The following G3BP2 variants were observed in gnomAD, a reference collection of about 807,000 sequenced individuals.
G3BP2 encodes G3BP stress granule assembly factor 2.
In G3BP2, 11 loss-of-function variants were observed where a neutral mutation model predicts 56.7. The ratio of observed to expected loss-of-function variants is 0.19; its 90% confidence interval spans 0.12 to 0.32. The LOEUF (loss-of-function observed/expected upper bound fraction) is 0.32. G3BP2 is among the 10% of genes least tolerant of loss of function. The pLI, the probability that G3BP2 is intolerant of heterozygous loss-of-function variation, is 1.00. For missense variants in G3BP2, 340 were observed against 610.9 expected (o/e 0.56, Z 4.67); for synonymous variants, 165 against 191.6 (o/e 0.86, Z 1.15).
chr4:75,683,546 G>A (rs1035612719), intron 3 of G3BP2, among the ~76,000 whole-genome samples: 3 of 151,602 alleles, frequency 2.0e-5, no homozygotes, highest in Admixed American at 6.6e-5. Flanking sequence ...CCTGGACAAC[G>A]AGCGAAATTC....
At chr4:75,662,220 AAT>A in intron 1 of G3BP2, 171 bp from the exon 2 acceptor site, 25 of 402,792 alleles carry the variant, frequency 6.2e-5, no homozygotes, top group Non-Finnish European at 9.5e-5. Flanking sequence ...AACCTGAAAT[AAT>A]TTTTTTTTTT....
chr4:75,651,607 A>T (rs116502690), intron 8 of G3BP2, among the ~76,000 whole-genome samples: 15 of 152,356 alleles, frequency 9.8e-5, no homozygotes, highest in Non-Finnish European at 1.8e-4. Flanking sequence ...CTGCATACTT[A>T]TAATTCTTCA....
At chr4:75,677,460 ACTGGGGAGG>A (rs1444779096), upstream of G3BP2, among the ~76,000 whole-genome samples, 3 of 152,142 alleles carry the variant, frequency 2.0e-5, no homozygotes, top group Admixed American at 1.3e-4. Context: ...AGTCCCAGCT[ACTGGGGAGG>A]CTGAGGCAGG....
intron 3 of G3BP2, among the ~76,000 whole-genome samples, chr4:75,696,843 T>C (rs1286629284): frequency 6.6e-6 from 1 of 152,136 alleles, no homozygotes; most frequent in Non-Finnish European, 1.5e-5. Context: ...TAACATGAAG[T>C]TAAACTCAGC....
chr4:75,703,170 CAGG>C (rs1251361581), intron 3 of G3BP2, among the ~76,000 whole-genome samples: 3 of 152,178 alleles, frequency 2.0e-5, no homozygotes, highest in Non-Finnish European at 2.9e-5. Flanking sequence ...AATGTGCAGA[CAGG>C]AGGAGTCTCT....
At chr4:75,687,326 T>C (rs1718655951) in intron 3 of G3BP2, among the ~76,000 whole-genome samples, 1 of 152,220 alleles carries the variant, frequency 6.6e-6, no homozygotes, top group African/African-American at 2.4e-5. Flanking sequence ...GCACAGGCTT[T>C]CTGTCTTTGC....
chr4:75,715,692 G>T (rs938651746), intron 3 of G3BP2, among the ~76,000 whole-genome samples: 4 of 152,206 alleles, frequency 2.6e-5, no homozygotes, highest in Admixed American at 6.5e-5. Context: ...TAAAGGTGCA[G>T]GAAAGAAGAC....
upstream of G3BP2, chr4:75,673,424 T>G (rs1733680186): frequency 8.1e-7 from 1 of 1,232,004 alleles, no homozygotes; most frequent in Admixed American, 4.2e-5. Context: ...CCGCCCCCTT[T>G]GCCACCGCCC....
At position 75,668,285 on chromosome 4, in the gene G3BP2, A is replaced by T. The variant is rs900620542; in HGVS notation, c.-25+4923T>A. 3.3e-5 allele frequency among the ~76,000 whole-genome samples: 5 copies of T among 152,168 alleles called. No individual in the cohort carries two copies. The South Asian group carries it at 1.0e-3, about 32-fold the overall frequency. ...AAATAACGTAAAAACCAAAGTTATCACTCTCCTTTCCTCAAACTTTGACTA... is the reference window on the plus strand; with the variant it reads ...AAATAACGTAAAAACCAAAGTTATCTCTCTCCTTTCCTCAAACTTTGACTA... On this transcript the variant is annotated intron_variant, in intron 1 of 11. Transcript: ENST00000359707.
In G3BP2 at chr4:75,646,572, C is replaced by G. The variant is rs1400145017; in HGVS notation, c.1058-116G>C. The G allele has an allele frequency of 2.0e-5, 15 of 732,438 alleles. No homozygotes were observed. In the South Asian group the frequency reaches 2.4e-4, roughly 12 times the overall value. 45.4% of individuals were successfully genotyped at this position (732,438 alleles called of 1,614,324 possible). A position where few individuals can be genotyped will look rare whatever the true frequency, so the allele number is the denominator to read the frequency against. On this transcript the variant is annotated intron_variant, in intron 10 of 11. Coordinates refer to ENST00000359707, the MANE Select transcript of G3BP2 (RefSeq NM_203505.3). Reference sequence around the variant, plus strand: ...CCGATCCATTTTAAAATAAAACTCGCAAGCTTCTACACACAGTGATAGCCA... The same window carrying G: ...CCGATCCATTTTAAAATAAAACTCGGAAGCTTCTACACACAGTGATAGCCA...
chr4:75,643,297 A>T lies in G3BP2; in HGVS notation c.*2133T>A, dbSNP rs11097044. ...AGGGCAATATCCTGAATTGGAAATT[A>T]TATATATATATATATATATGGAAAC... On this transcript the variant is annotated 3_prime_UTR_variant, in exon 12 of 12. Coordinates refer to ENST00000359707, the MANE Select transcript of G3BP2 (RefSeq NM_203505.3). The T allele has an allele frequency of 0.32, 23,115 of 71,574 alleles. 3,309 individuals carry two copies. The highest frequency in any genetic ancestry group is 0.53 in the South Asian group (1,550 of 2,940). The allele number at this position is 71,574 out of a possible 1,614,324, so 4.4% of individuals were successfully genotyped here.
At chr4:75,669,734 G>A (rs1733336376) in intron 1 of G3BP2, among the ~76,000 whole-genome samples, 1 of 152,080 alleles carries the variant, frequency 6.6e-6, no homozygotes, top group African/African-American at 2.4e-5. Flanking sequence ...GAGTCAATGG[G>A]TTATACAAAA....
intron 3 of G3BP2, among the ~76,000 whole-genome samples, chr4:75,703,141 T>G (rs1719410710): frequency 6.6e-6 from 1 of 152,246 alleles, no homozygotes; most frequent in Non-Finnish European, 1.5e-5. Flanking sequence ...CTGGCTTCCC[T>G]GTAACTTCCT....
intron 8 of G3BP2, chr4:75,648,991 AT>A: frequency 3.4e-6 from 1 of 291,306 alleles, no homozygotes; most frequent in Non-Finnish European, 6.4e-6. Context: ...TTACAGTCAC[AT>A]TTTTTCATTA....
At chr4:75,667,429 T>C (rs1473822915) in intron 1 of G3BP2, among the ~76,000 whole-genome samples, 1 of 152,200 alleles carries the variant, frequency 6.6e-6, no homozygotes, top group East Asian at 1.9e-4. Context: ...AACAACCTTT[T>C]TAGAAAAAGT....
chr4:75,663,482 C>T (rs1004092326), intron 1 of G3BP2, among the ~76,000 whole-genome samples: 8 of 152,224 alleles, frequency 5.3e-5, no homozygotes, highest in African/African-American at 1.7e-4. Context: ...GGCTACAATG[C>T]CCTGACTGGT....
At chr4:75,654,276 A>T (rs1731917385) in intron 7 of G3BP2, among the ~76,000 whole-genome samples, 195 bp from the exon 8 acceptor site, 4 of 152,246 alleles carry the variant, frequency 2.6e-5, no homozygotes. Flanking sequence ...AAGCTTATTT[A>T]TAACTTTTGT....
intron 1 of G3BP2, among the ~76,000 whole-genome samples, chr4:75,668,737 C>T (rs1030869369): frequency 2.0e-5 from 3 of 152,338 alleles, no homozygotes; most frequent in Middle Eastern, 3.4e-3. Context: ...ACCTTCCTAT[C>T]TGCAATGATT....
rs1319713054 is a variant in G3BP2 at position 75,645,609 on chromosome 4, G to A, written c.1270C>T (p.Arg424Cys). Reference sequence around the variant, plus strand: ...CGATCATTGCGCCTAATATCCCTGCGATCATCACCACCACCTCTGGTTTCT... The same window carrying A: ...CGATCATTGCGCCTAATATCCCTGCAATCATCACCACCACCTCTGGTTTCT... ...ERETRGGGDD[R>C]RDIRRNDRGP... is the part of the protein sequence containing the mutation. Residue 424 changes from arginine (R) to cysteine (C), a missense_variant, in exon 12 of 12, where the codon CGC becomes TGC. Arg to Cys is a radical substitution (Grantham distance 180, BLOSUM62 -3). This residue lies in a region of G3BP2 where 94 missense variants were observed against 173.8 expected (regional missense o/e 0.54). Coordinates refer to ENST00000359707, the MANE Select transcript of G3BP2 (RefSeq NM_203505.3). 6.2e-7 allele frequency: 1 copy of A among 1,613,458 alleles called. No individual in the cohort carries two copies. The highest frequency in any genetic ancestry group is 1.7e-5 in the Admixed American group (1 of 59,918).
Sources: gnomAD v4.1 joint callset for allele counts (sites outside exome capture counted in the v4.1 genomes callset) on GRCh38, gnomAD v4.1.1 for gene constraint, gnomAD v4.1.1 regional missense constraint, MANE v1.5 for transcripts, NCBI Gene and HGNC (gene_info 2026-07-23, HGNC 2026-07-21) for gene names.